FANCI: variants seen among roughly 807,000 people sequenced by gnomAD.
The protein encoded by FANCI is Fanconi anemia group I protein.
A neutral mutation model predicts 176.1 loss-of-function variants in FANCI; 156 were observed. The observed-to-expected ratio is 0.89, with a 90% CI of 0.78 to 1.01. The LOEUF is 1.01. Among genes scored for constraint, FANCI ranks in the 50% least tolerant of loss-of-function variants. The probability of loss-of-function intolerance (pLI) is 0.00; values close to 1 mark genes in which losing one functional copy is unlikely to be tolerated. For synonymous variants in FANCI, 613 were observed against 541.7 expected (o/e 1.13, Z -1.83); for missense variants, 1,678 against 1,534.1 (o/e 1.09, Z -1.57).
At position 89,291,532 on chromosome 15, in the gene FANCI, A is replaced by G. The variant is rs2054070190; in HGVS notation, c.1891-81A>G. On this transcript the variant is annotated intron_variant, in intron 19 of 37. Coordinates refer to ENST00000310775, the MANE Select transcript of FANCI (RefSeq NM_001113378.2). ...TGTGTGTTAGAAGGCATTAGACATTAAAGATACCTTTCACCTGAGAAGTTA... is the reference window on the plus strand; with the variant it reads ...TGTGTGTTAGAAGGCATTAGACATTGAAGATACCTTTCACCTGAGAAGTTA... 8 of 1,109,140 alleles carry G rather than the reference A, an allele frequency of 7.2e-6. No homozygotes were observed. The South Asian group carries it at 1.0e-4, about 14-fold the overall frequency. 68.7% of individuals were successfully genotyped at this position (1,109,140 alleles called of 1,614,324 possible).
At chr15:89,301,504 A>G (rs1218393427) in intron 27 of FANCI, 62 bp downstream of exon 27, 1 of 1,059,094 alleles carries the variant, frequency 9.4e-7, no homozygotes, top group African/African-American at 1.6e-5. Flanking sequence ...TTATTGCATC[A>G]TAAAAGTGTA....
At chr15:89,310,147 T>C (rs2054897595) in intron 34 of FANCI, among the ~76,000 whole-genome samples, 1 of 152,220 alleles carries the variant, frequency 6.6e-6, no homozygotes, top group Non-Finnish European at 1.5e-5. Flanking sequence ...GGCACACTTT[T>C]TCTGTAAAGG....
intron 28 of FANCI, among the ~76,000 whole-genome samples, chr15:89,304,854 G>A (rs1034206843): frequency 2.6e-5 from 4 of 151,642 alleles, no homozygotes; most frequent in Admixed American, 1.3e-4. Context: ...TTGGCTGACC[G>A]CAGCCTCCGC....
intron 10 of FANCI, 61 bp from the exon 11 acceptor site, chr15:89,273,316 A>G (rs1298448971): frequency 3.3e-5 from 29 of 892,004 alleles, no homozygotes; most frequent in East Asian, 3.0e-4. Context: ...TTTTTAAAAA[A>G]AAAAAAAAAA....
intron 2 of FANCI, among the ~76,000 whole-genome samples, chr15:89,257,470 C>G (rs905305824): frequency 6.6e-6 from 1 of 152,136 alleles, no homozygotes; most frequent in African/African-American, 2.4e-5. Flanking sequence ...TGTTCTGTGT[C>G]TCTCACCTAG....
intron 35 of FANCI, among the ~76,000 whole-genome samples, chr15:89,313,362 A>C (rs1026122591): frequency 4.6e-5 from 7 of 152,200 alleles, no homozygotes; most frequent in Non-Finnish European, 1.0e-4. Context: ...CTGCTTCTCA[A>C]CTCAGGGATT....
chr15:89,306,773 A>C (rs774232243), intron 32 of FANCI, among the ~76,000 whole-genome samples: 26 of 152,184 alleles, frequency 1.7e-4, no homozygotes, highest in Non-Finnish European at 3.5e-4. Flanking sequence ...ATTGAGAATG[A>C]ATGCCTCTTT....
chr15:89,258,863 C>T, intron 3 of FANCI, 87 bp downstream of exon 3: 3 of 983,974 alleles, frequency 3.0e-6, no homozygotes, highest in Non-Finnish European at 4.9e-6. Context: ...CGGTTTGAAG[C>T]CCCACTGGAA....
At chr15:89,268,588 A>G in intron 10 of FANCI, 63 bp downstream of exon 10, 1 of 1,593,464 alleles carries the variant, frequency 6.3e-7, no homozygotes, top group South Asian at 1.1e-5. Context: ...AACTTAAGCC[A>G]CTGTTATGCC....
In FANCI at chr15:89,292,735, T is replaced by G. The variant is rs948927011; in HGVS notation, c.2040T>G (p.Asn680Lys). The change falls in exon 21 of 38, where the codon AAT becomes AAG. Residue 680 changes from asparagine (N) to lysine (K), a missense_variant. Physicochemically the swap from Asn to Lys is moderately conservative, Grantham distance 94. Coordinates refer to ENST00000310775, the MANE Select transcript of FANCI (RefSeq NM_001113378.2). ...AGCATTGTTTGGCCTGGTATAAGAA[T>G]ACAGTCATACCCTTACAGCAGGGAG... ...CIQHCLAWYKNTVIPLQQGEE... is the reference protein window; with the variant it reads ...CIQHCLAWYKKTVIPLQQGEE... 3.1e-6 allele frequency: 5 copies of G among 1,613,800 alleles called. No individual in the cohort carries two copies. In the African/African-American group the frequency reaches 6.7e-5, roughly 22 times the overall value.
At chr15:89,296,724 G>A (rs960439608) in intron 24 of FANCI, among the ~76,000 whole-genome samples, 3 of 152,148 alleles carry the variant, frequency 2.0e-5, no homozygotes, top group South Asian at 2.1e-4. Context: ...CCTCCCAGAC[G>A]GGGTGGTGGC....
chr15:89,313,890 G>A (rs2055066456), intron 35 of FANCI, among the ~76,000 whole-genome samples: 3 of 138,326 alleles, frequency 2.2e-5, no homozygotes, highest in Non-Finnish European at 4.7e-5. Context: ...GTATCCTCAT[G>A]GGTTAAAAAT....
intron 34 of FANCI, among the ~76,000 whole-genome samples, chr15:89,309,718 CA>C (rs1478001836): frequency 6.6e-6 from 1 of 152,074 alleles, no homozygotes; most frequent in Non-Finnish European, 1.5e-5. Context: ...GACCCTGTCT[CA>C]AGAAAAATAA....
intron 12 of FANCI, among the ~76,000 whole-genome samples, chr15:89,274,840 A>C (rs1489935168): frequency 1.3e-5 from 2 of 151,780 alleles, no homozygotes; most frequent in Non-Finnish European, 2.9e-5. Flanking sequence ...TCTGAGCTCA[A>C]GCAATCCACC....
At chr15:89,274,085 ATTTTC>A (rs2053312970) in intron 11 of FANCI, 78 bp from the exon 12 acceptor site, 28 of 1,104,166 alleles carry the variant, frequency 2.5e-5, no homozygotes, top group Non-Finnish European at 3.5e-5. Flanking sequence ...TATTTGCTTT[ATTTTC>A]TTATTTCTTT....
intron 34 of FANCI, chr15:89,307,912 CAAGG>C (rs2054790359): frequency 7.2e-7 from 1 of 1,390,224 alleles, no homozygotes; most frequent in Non-Finnish European, 9.3e-7. Flanking sequence ...GCATTTGGAG[CAAGG>C]AAGGAACAAG....
At position 89,263,467 on chromosome 15, in the gene FANCI, A is replaced by G. The variant is rs1439143383; in HGVS notation, c.545+7A>G. On this transcript the variant is annotated splice_region_variant and intron_variant, in intron 7 of 37. Coordinates refer to ENST00000310775, the MANE Select transcript of FANCI (RefSeq NM_001113378.2). ...AACTCACCTCCATGTTCAAGTAAGC[A>G]TCATCTTTTCCCTTTTCTTTGTGTA... The G allele has an allele frequency of 1.9e-6, 3 of 1,610,832 alleles. No homozygotes were observed. The highest frequency in any genetic ancestry group is 1.7e-5 in the Admixed American group (1 of 60,020).
chr15:89,261,872 C>T lies in FANCI; in HGVS notation c.497C>T (p.Ser166Phe), dbSNP rs745789593. Reference protein sequence around the residue: ...CKKQLINTLCSGRWDQQYVIQ... With the variant: ...CKKQLINTLCFGRWDQQYVIQ... ...AAACAGTTGATTAACACCCTGTGTT[C>T]TGGCAGGTGAGTCTTGTTAATATGT... Residue 166 changes from serine to phenylalanine, a missense_variant, in exon 6 of 38, where the codon TCT becomes TTT. By Grantham distance (155) the Ser-to-Phe change is radical. Around this residue, in one of 3 missense-constraint regions of FANCI, gnomAD observed 469 missense variants for 436.9 expected, o/e 1.07. Coordinates refer to ENST00000310775, the MANE Select transcript of FANCI (RefSeq NM_001113378.2). 6.2e-7 allele frequency: 1 copy of T among 1,613,916 alleles called. No individual in the cohort carries two copies. Among genetic ancestry groups the T allele is most frequent in the South Asian group, 1.1e-5 (1 of 91,068 alleles).
chr15:89,280,921 TCGGTTTCTTC>T (rs1435813343), intron 14 of FANCI, among the ~76,000 whole-genome samples: 1 of 152,216 alleles, frequency 6.6e-6, no homozygotes, highest in Non-Finnish European at 1.5e-5. Flanking sequence ...GGCAGTGTAA[TCGGTTTCTTC>T]CTTTCTTTTA....
Sources: gnomAD v4.1 joint callset for allele counts (sites outside exome capture counted in the v4.1 genomes callset) on GRCh38, gnomAD v4.1.1 for gene constraint, gnomAD v4.1.1 regional missense constraint, MANE v1.5 for transcripts, NCBI Gene and HGNC (gene_info 2026-07-23, HGNC 2026-07-21) for gene names.